NDUFAF2: variants seen among roughly 807,000 people sequenced by gnomAD.
NDUFAF2 encodes NADH:ubiquinone oxidoreductase complex assembly factor 2.
NDUFAF2 carries 13 observed loss-of-function variants against 22.8 expected under a neutral mutation model. The observed-to-expected ratio is 0.57, with a 90% CI of 0.37 to 0.91. The LOEUF is 0.91. NDUFAF2 is among the 40% of genes least tolerant of loss of function. NDUFAF2 has a pLI of 0.01. For missense variants in NDUFAF2, 162 were observed against 195.2 expected (o/e 0.83, Z 1.01); for synonymous variants, 53 against 64.2 (o/e 0.83, Z 0.84).
At chr5:61,104,941 A>G (rs996838923) in intron 3 of NDUFAF2, among the ~76,000 whole-genome samples, 23 of 152,302 alleles carry the variant, frequency 1.5e-4, no homozygotes, top group African/African-American at 5.1e-4. Flanking sequence ...ACAATTTTCA[A>G]TTCTATCTCT....
At chr5:61,082,480 G>A (rs1373829182) in intron 2 of NDUFAF2, among the ~76,000 whole-genome samples, 1 of 152,028 alleles carries the variant, frequency 6.6e-6, no homozygotes, top group Non-Finnish European at 1.5e-5. Context: ...TGGATATATT[G>A]CATGATTCTG....
chr5:61,125,361 T>C (rs1413798228), intron 3 of NDUFAF2, among the ~76,000 whole-genome samples: 1 of 151,978 alleles, frequency 6.6e-6, no homozygotes, highest in Non-Finnish European at 1.5e-5. Flanking sequence ...GAAATTGAAA[T>C]TGTGGTTCTA....
chr5:61,061,326 A>G (rs1752162244), intron 1 of NDUFAF2, among the ~76,000 whole-genome samples: 1 of 152,144 alleles, frequency 6.6e-6, no homozygotes, highest in Non-Finnish European at 1.5e-5. Context: ...TCATCATGGT[A>G]AGCAAGAGCC....
At chr5:61,056,245 A>G (rs1752085551) in intron 1 of NDUFAF2, among the ~76,000 whole-genome samples, 1 of 152,180 alleles carries the variant, frequency 6.6e-6, no homozygotes, top group Non-Finnish European at 1.5e-5. Flanking sequence ...CCATTTTTAT[A>G]TGCACTCTGT....
intron 2 of NDUFAF2, among the ~76,000 whole-genome samples, chr5:61,085,159 T>C (rs1224392746): frequency 6.6e-6 from 1 of 152,118 alleles, no homozygotes; most frequent in Non-Finnish European, 1.5e-5. Context: ...TAACAAAATA[T>C]TAGCAACCTG....
chr5:61,049,328 A>G (rs1751994054), intron 1 of NDUFAF2, among the ~76,000 whole-genome samples: 1 of 152,096 alleles, frequency 6.6e-6, no homozygotes, highest in Non-Finnish European at 1.5e-5. Flanking sequence ...TAGGATCTCA[A>G]AAAGGACCAA....
intron 3 of NDUFAF2, among the ~76,000 whole-genome samples, chr5:61,102,378 T>G (rs1752714651): frequency 6.6e-6 from 1 of 152,136 alleles, no homozygotes; most frequent in Admixed American, 6.6e-5. Context: ...GTAGATACTG[T>G]ACAACCAGTT....
intron 3 of NDUFAF2, among the ~76,000 whole-genome samples, chr5:61,147,336 C>A (rs1206689969): frequency 6.6e-6 from 1 of 151,562 alleles, no homozygotes; most frequent in African/African-American, 2.4e-5. Context: ...GCAGCTTTGA[C>A]CTCCTGGGCT....
chr5:61,136,118 G>C lies in NDUFAF2; in HGVS notation c.259-16586G>C, dbSNP rs1351643531. On this transcript the variant is annotated intron_variant, in intron 3 of 3. Transcript: ENST00000296597. The stretch of plus-strand genomic sequence containing the variant: ...AGGATTGTTCCTTTTCTACTCTGCT[G>C]AATTATTTGTTGTTCTATTTATTTC... Among the ~76,000 whole-genome samples, 3 of 146,640 alleles carry C rather than the reference G, an allele frequency of 2.0e-5. No homozygotes were observed. The East Asian group carries it at 5.9e-4, about 29-fold the overall frequency.
At chr5:61,042,372 G>T (rs1185573432) in intron 1 of NDUFAF2, among the ~76,000 whole-genome samples, 1 of 151,994 alleles carries the variant, frequency 6.6e-6, no homozygotes, top group Non-Finnish European at 1.5e-5. Context: ...AAAAGGAAAA[G>T]TACAGAACAA....
At chr5:60,972,501 G>A (rs974767254) in intron 1 of NDUFAF2, among the ~76,000 whole-genome samples, 1 of 152,114 alleles carries the variant, frequency 6.6e-6, no homozygotes, top group African/African-American at 2.4e-5. Context: ...GTGAAGAGGT[G>A]CCTTCTGCCA....
intron 3 of NDUFAF2, among the ~76,000 whole-genome samples, chr5:61,123,962 A>C (rs1281053404): frequency 6.6e-6 from 1 of 152,142 alleles, no homozygotes; most frequent in Non-Finnish European, 1.5e-5. Context: ...AAAAGACTGG[A>C]AGGAAACATA....
At chr5:61,071,818 C>T (rs1010598317) in intron 1 of NDUFAF2, among the ~76,000 whole-genome samples, 2 of 152,196 alleles carry the variant, frequency 1.3e-5, no homozygotes, top group Admixed American at 1.3e-4. Context: ...GAAAGCCTAC[C>T]TGGTTTCCCC....
At chr5:61,129,409 T>C (rs1464310321) in intron 3 of NDUFAF2, among the ~76,000 whole-genome samples, 1 of 152,104 alleles carries the variant, frequency 6.6e-6, no homozygotes, top group African/African-American at 2.4e-5. Context: ...CCAACAATGA[T>C]AGACTGGATT....
At chr5:60,990,496 A>C (rs969576001) in intron 1 of NDUFAF2, among the ~76,000 whole-genome samples, 2 of 152,158 alleles carry the variant, frequency 1.3e-5, no homozygotes, top group African/African-American at 4.8e-5. Flanking sequence ...AGAATATATA[A>C]ATGTTATGTA....
chr5:61,039,848 T>C (rs575822578), intron 1 of NDUFAF2, among the ~76,000 whole-genome samples: 148 of 152,328 alleles, frequency 9.7e-4, no homozygotes, highest in African/African-American at 3.4e-3. Flanking sequence ...CAGTCATCCC[T>C]ACTTTATTTT....
chr5:60,995,755 G>A (rs1442706757), intron 1 of NDUFAF2, among the ~76,000 whole-genome samples: 1 of 152,212 alleles, frequency 6.6e-6, no homozygotes, highest in East Asian at 1.9e-4. Flanking sequence ...CCAAGGCTGT[G>A]TCCTTCCCTT....
At chr5:60,952,184 G>GT (rs1750556535) in intron 1 of NDUFAF2, among the ~76,000 whole-genome samples, 1 of 151,708 alleles carries the variant, frequency 6.6e-6, no homozygotes, top group African/African-American at 2.4e-5. Context: ...ATTTTTCTCT[G>GT]TAAGTTTTTT....
intron 1 of NDUFAF2, among the ~76,000 whole-genome samples, chr5:61,056,414 CA>C (rs1379131477): frequency 1.3e-5 from 2 of 152,130 alleles, no homozygotes; most frequent in African/African-American, 4.8e-5. Context: ...AAAATGGAAT[CA>C]ACTTTTCTTT....
Sources: allele counts gnomAD v4.1 joint callset (sites outside exome capture counted in the v4.1 genomes callset), GRCh38; gene constraint gnomAD v4.1.1; transcripts MANE v1.5; gene names NCBI Gene and HGNC (gene_info 2026-07-23, HGNC 2026-07-21).